CNKSR2: variants seen among roughly 807,000 people sequenced by gnomAD.
CNKSR2 encodes the protein CNK homolog protein 2.
CNKSR2 carries 14 observed loss-of-function variants against 84.4 expected under a neutral mutation model. That is an observed-to-expected ratio of 0.17 (90% CI 0.11 to 0.26). CNKSR2 has a LOEUF of 0.26. CNKSR2 is among the 10% of genes least tolerant of loss of function. CNKSR2 has a pLI of 1.00. For missense variants in CNKSR2, 485 were observed against 771.2 expected (o/e 0.63, Z 4.40); for synonymous variants, 275 against 277.9 (o/e 0.99, Z 0.10).
At chrX:21,590,829 T>C in intron 14 of CNKSR2, 193 bp from the exon 15 acceptor site, 1 of 456,551 alleles carries the variant, frequency 2.2e-6, no homozygotes, top group East Asian at 3.8e-5. Flanking sequence ...TTGAGAGTGG[T>C]GTTACATATT....
chrX:21,527,370 A>T (rs185075711), intron 10 of CNKSR2, among the ~76,000 whole-genome samples: 1,844 of 109,590 alleles, frequency 0.017, 38 homozygotes, highest in African/African-American at 0.055. Flanking sequence ...TTTTTTTTTT[A>T]AAAAAAGAGA....
intron 6 of CNKSR2, chrX:21,494,819 G>A (rs1018657705): frequency 1.8e-5 from 2 of 111,615 alleles, no homozygotes; most frequent in African/African-American, 6.5e-5. Flanking sequence ...TCCCTCCGGG[G>A]GAAATTTCCT....
chrX:21,594,216 A>G (rs1297519131), intron 15 of CNKSR2: 2 of 111,791 alleles, frequency 1.8e-5, no homozygotes, highest in African/African-American at 6.5e-5. Context: ...AAATAAATGC[A>G]GGAACAGAAA....
intron 20 of CNKSR2, chrX:21,641,732 AAC>A (rs2092692280): frequency 9.5e-7 from 1 of 1,054,571 alleles, no homozygotes; most frequent in African/African-American, 1.9e-5. Context: ...TATAACAGAA[AAC>A]AGACTTGTAA....
intron 1 of CNKSR2, among the ~76,000 whole-genome samples, chrX:21,391,466 T>C (rs1007257405): frequency 1.8e-5 from 2 of 112,406 alleles, no homozygotes; most frequent in Middle Eastern, 9.2e-3. Flanking sequence ...GTTTACAGCT[T>C]GTACCCTCTG....
intron 1 of CNKSR2, among the ~76,000 whole-genome samples, chrX:21,406,864 A>G (rs1187681161): frequency 8.9e-6 from 1 of 112,226 alleles, no homozygotes; most frequent in African/African-American, 3.2e-5. Flanking sequence ...CTTTCCCTGT[A>G]CATATTTAAA....
intron 1 of CNKSR2, among the ~76,000 whole-genome samples, chrX:21,387,746 C>G (rs1381073572): frequency 9.0e-6 from 1 of 110,743 alleles, no homozygotes; most frequent in Admixed American, 9.6e-5. Flanking sequence ...AAATAAAATT[C>G]AGATAATATA....
intron 1 of CNKSR2, among the ~76,000 whole-genome samples, chrX:21,376,442 C>T (rs752902402): frequency 8.9e-6 from 1 of 111,894 alleles, no homozygotes; most frequent in Admixed American, 9.4e-5. Context: ...CATTATTTAT[C>T]GACTGCACCC....
At chrX:21,629,177 G>A (rs756003878) in intron 20 of CNKSR2, among the ~76,000 whole-genome samples, 14 of 111,875 alleles carry the variant, frequency 1.3e-4, no homozygotes, top group South Asian at 3.8e-4. Context: ...CCTCATCTCC[G>A]TCTGAGACCA....
chrX:21,637,463 T>A (rs2092677263), intron 20 of CNKSR2: 1 of 112,130 alleles, frequency 8.9e-6, no homozygotes, highest in Non-Finnish European at 1.9e-5. Flanking sequence ...ACCACTTTAT[T>A]TAGAAAAATA....
chrX:21,513,855 G>A (rs2091700071), intron 8 of CNKSR2, among the ~76,000 whole-genome samples: 1 of 111,456 alleles, frequency 9.0e-6, no homozygotes, highest in Non-Finnish European at 1.9e-5. Context: ...GTCCTGATTA[G>A]GTAATTCATA....
At chrX:21,552,268 T>G (rs933682110) in intron 11 of CNKSR2, among the ~76,000 whole-genome samples, 1 of 111,500 alleles carries the variant, frequency 9.0e-6, no homozygotes, top group Non-Finnish European at 1.9e-5. Flanking sequence ...GTTATATGGT[T>G]AAATAAGATT....
At chrX:21,599,746 T>G (rs1187134662) in intron 17 of CNKSR2, among the ~76,000 whole-genome samples, 1 of 111,816 alleles carries the variant, frequency 8.9e-6, no homozygotes, top group Non-Finnish European at 1.9e-5. Context: ...GGTATTATCA[T>G]CATTTTCACC....
At chrX:21,428,739 A>G (rs2090597674) in intron 2 of CNKSR2, 1 of 111,333 alleles carries the variant, frequency 9.0e-6, no homozygotes, top group African/African-American at 3.3e-5. Context: ...AACAGTTTTC[A>G]TTTCATTTTT....
At chrX:21,530,337 C>T (rs1014533866) in intron 10 of CNKSR2, among the ~76,000 whole-genome samples, 1 of 111,013 alleles carries the variant, frequency 9.0e-6, no homozygotes, top group African/African-American at 3.3e-5. Context: ...ATGTTGTTTA[C>T]TACTTTCTAC....
chrX:21,597,543 T>G (rs2092457227), intron 17 of CNKSR2, among the ~76,000 whole-genome samples: 1 of 111,648 alleles, frequency 9.0e-6, no homozygotes, highest in Non-Finnish European at 1.9e-5. Flanking sequence ...GCTTTGAATT[T>G]TGCTTTCTAA....
chrX:21,538,898 C>T (rs1228521490), intron 11 of CNKSR2: 1 of 112,368 alleles, frequency 8.9e-6, no homozygotes, highest in Non-Finnish European at 1.9e-5. Context: ...CTTCTGCCTG[C>T]TGTTTCTAGC....
intron 1 of CNKSR2, among the ~76,000 whole-genome samples, chrX:21,416,948 C>T (rs1482475543): frequency 2.7e-5 from 3 of 111,462 alleles, no homozygotes; most frequent in Non-Finnish European, 5.7e-5. Flanking sequence ...TTTATTATCT[C>T]TTCCAGTATT....
At chrX:21,504,018 A>G (rs1373758622) in intron 8 of CNKSR2, 5 of 111,316 alleles carry the variant, frequency 4.5e-5, no homozygotes, top group African/African-American at 1.6e-4. Flanking sequence ...GAATTTCATG[A>G]AAGTAGACTT....
Sources: gnomAD v4.1 joint callset for allele counts (sites outside exome capture counted in the v4.1 genomes callset) on GRCh38, gnomAD v4.1.1 for gene constraint, MANE v1.5 for transcripts, NCBI Gene and HGNC (gene_info 2026-07-23, HGNC 2026-07-21) for gene names.